RCAN3: variants seen among roughly 807,000 people sequenced by gnomAD.
RCAN3 encodes the protein calcipressin-3.
A neutral mutation model predicts 21.9 loss-of-function variants in RCAN3; 19 were observed. The observed-to-expected ratio is 0.87, with a 90% CI of 0.61 to 1.27. The LOEUF (loss-of-function observed/expected upper bound fraction) is 1.27, where lower values mean the gene tolerates loss of function less well. Ranked by LOEUF, RCAN3 falls within the 50% of genes most tolerant of loss-of-function variation. The probability of loss-of-function intolerance (pLI) is 0.00; values close to 1 mark genes in which losing one functional copy is unlikely to be tolerated. For synonymous variants in RCAN3, 114 were observed against 112.3 expected (o/e 1.01, Z -0.09); for missense variants, 240 against 300.1 (o/e 0.80, Z 1.48).
At chr1:24,515,696 C>T (rs115077236) in intron 2 of RCAN3, among the ~76,000 whole-genome samples, 1,948 of 152,250 alleles carry the variant, frequency 0.013, 17 homozygotes, top group Middle Eastern at 0.024. Flanking sequence ...TGAGTGCCTA[C>T]GGTGTGCCAG....
In RCAN3 at chr1:24,538,270, C is replaced by T. The variant is rs951373228; in HGVS notation, c.*2993C>T. ...AAACTCAGCTGGAAAGCAAATTAGT[C>T]TTTTCACATTCTGCTTCTTCAAAAT... is the stretch of plus-strand genomic sequence containing the variant. On this transcript the variant is annotated 3_prime_UTR_variant, in exon 5 of 5. Coordinates refer to ENST00000374395, the MANE Select transcript of RCAN3 (RefSeq NM_013441.4). The T allele has an allele frequency of 6.6e-6, 1 of 152,180 alleles. No individual in the cohort carries two copies. Among genetic ancestry groups the T allele is most frequent in the South Asian group, 2.1e-4 (1 of 4,828 alleles). The allele number at this position is 152,180 out of a possible 1,614,324, so 9.4% of individuals were successfully genotyped here.
chr1:24,526,498 T>C (rs767703412), intron 2 of RCAN3, among the ~76,000 whole-genome samples: 7 of 152,068 alleles, frequency 4.6e-5, no homozygotes, highest in Non-Finnish European at 8.8e-5. Flanking sequence ...AAAAAAAAAT[T>C]ATCTTGAAGG....
intron 1 of RCAN3, among the ~76,000 whole-genome samples, chr1:24,508,077 A>G (rs921728889): frequency 1.3e-5 from 2 of 152,196 alleles, no homozygotes; most frequent in African/African-American, 4.8e-5. Context: ...AGACTGCGCC[A>G]CTGCACCCCA....
At position 24,516,099 on chromosome 1, in the gene RCAN3, C is replaced by T. The variant is rs143902361; in HGVS notation, c.195+1532C>T. On this transcript the variant is annotated intron_variant, in intron 2 of 4. Coordinates refer to ENST00000374395, the MANE Select transcript of RCAN3 (RefSeq NM_013441.4). ...CAGAGGTTGCAGTGAGCGGAGATTG[C>T]GCCAGCGTACTCCAGCCTGGGCAAC... 2.5e-4 allele frequency among the ~76,000 whole-genome samples: 38 copies of T among 151,910 alleles called. 1 individual carries two copies. In the East Asian group the frequency reaches 6.6e-3, roughly 26 times the overall value.
intron 1 of RCAN3, among the ~76,000 whole-genome samples, chr1:24,509,879 A>G (rs747599525): frequency 2.6e-5 from 4 of 152,212 alleles, no homozygotes; most frequent in Non-Finnish European, 5.9e-5. Flanking sequence ...TTAAAATAGT[A>G]AGACTTGAAA....
rs1253659719 is a variant in RCAN3 at position 24,523,649 on chromosome 1, T to TA, written c.196-7569_196-7568insA. 2.9e-3 allele frequency among the ~76,000 whole-genome samples: 272 copies of TA among 94,982 alleles called. 2 individuals are homozygous for TA. Among genetic ancestry groups the TA allele is most frequent in the Middle Eastern group, 0.025 (6 of 236 alleles). The allele number at this position is 94,982 out of a possible 152,430, so 62.3% of individuals were successfully genotyped here. A position where few individuals can be genotyped will look rare whatever the true frequency, so the allele number is the denominator to read the frequency against. On this transcript the variant is annotated intron_variant, in intron 2 of 4. Transcript: ENST00000374395. Reference sequence around the variant, plus strand: ...ACACACACACACACACACATATATATTTTTTTTCTTCAGATGGAGTCTCAT... The same window carrying TA: ...ACACACACACACACACACATATATATATTTTTTTCTTCAGATGGAGTCTCAT...
At chr1:24,519,762 T>G (rs1012180415) in intron 2 of RCAN3, among the ~76,000 whole-genome samples, 1 of 152,204 alleles carries the variant, frequency 6.6e-6, no homozygotes, top group Non-Finnish European at 1.5e-5. Context: ...ATGAATGGAT[T>G]CTGTAAGATG....
chr1:24,515,457 T>C (rs1273809040), intron 2 of RCAN3, among the ~76,000 whole-genome samples: 2 of 150,112 alleles, frequency 1.3e-5, no homozygotes, highest in South Asian at 2.1e-4. Context: ...TGTGTGTGTG[T>C]GTGTGTGCTT....
intron 2 of RCAN3, among the ~76,000 whole-genome samples, chr1:24,516,185 C>G (rs1308701959): frequency 3.3e-5 from 5 of 152,126 alleles, no homozygotes; most frequent in African/African-American, 1.2e-4. Flanking sequence ...AAGAACAGGG[C>G]CAGGCGCAGT....
Position 24,527,656 on chromosome 1 carries a change from T to C in RCAN3, c.196-3562T>C, listed in dbSNP as rs530345981. Among the ~76,000 whole-genome samples the C allele has an allele frequency of 2.6e-5, 4 of 152,306 alleles. No homozygotes were observed. In the South Asian group the frequency reaches 8.3e-4, roughly 32 times the overall value. The stretch of plus-strand genomic sequence containing the variant: ...TTTGCACTTCAGGATCAACAGATCA[T>C]TGAAAGATCTTTACATAGGCGAAGC... On this transcript the variant is annotated intron_variant, in intron 2 of 4. Coordinates refer to ENST00000374395, the MANE Select transcript of RCAN3 (RefSeq NM_013441.4).
At chr1:24,505,978 G>T (rs1647404144) in intron 1 of RCAN3, among the ~76,000 whole-genome samples, 1 of 152,224 alleles carries the variant, frequency 6.6e-6, no homozygotes, top group Non-Finnish European at 1.5e-5. Flanking sequence ...TGGCAGAGCA[G>T]ATGGTCATGC....
rs531408149 is a variant in RCAN3 at position 24,507,309 on chromosome 1, C to G, written c.-60+4159C>G. Reference sequence around the variant, plus strand: ...GGCTTTGTGTGGAATGCTCCCCATTCTTTTCCTCCTGAAATTCTGTTCATC... The same window carrying G: ...GGCTTTGTGTGGAATGCTCCCCATTGTTTTCCTCCTGAAATTCTGTTCATC... On this transcript the variant is annotated intron_variant, in intron 1 of 4. Coordinates refer to ENST00000374395, the MANE Select transcript of RCAN3 (RefSeq NM_013441.4). Among the ~76,000 whole-genome samples the G allele has an allele frequency of 2.6e-5, 4 of 152,336 alleles. No individual in the cohort carries two copies. The South Asian group carries it at 8.3e-4, about 32-fold the overall frequency.
chr1:24,532,261 C>T (rs1649824920), intron 3 of RCAN3, among the ~76,000 whole-genome samples: 1 of 152,034 alleles, frequency 6.6e-6, no homozygotes, highest in Non-Finnish European at 1.5e-5. Flanking sequence ...GAGTCTCACT[C>T]TGTCACCCAG....
chr1:24,537,110 A>G lies in RCAN3; in HGVS notation c.*1833A>G, dbSNP rs917641923. Reference sequence around the variant, plus strand: ...TTGGGAATTTTTTGAATTTCCTTTTAGGTAATATTGATTCACTGTAATTTT... The same window carrying G: ...TTGGGAATTTTTTGAATTTCCTTTTGGGTAATATTGATTCACTGTAATTTT... On this transcript the variant is annotated 3_prime_UTR_variant, in exon 5 of 5. Transcript: ENST00000374395. 5 of 152,188 alleles carry G rather than the reference A, an allele frequency of 3.3e-5. No individual in the cohort carries two copies. The highest frequency in any genetic ancestry group is 1.2e-4 in the African/African-American group (5 of 41,450). 9.4% of individuals were successfully genotyped at this position (152,188 alleles called of 1,614,324 possible). A position where few individuals can be genotyped will look rare whatever the true frequency, so the allele number is the denominator to read the frequency against.
intron 2 of RCAN3, among the ~76,000 whole-genome samples, chr1:24,516,697 C>T (rs981712345): frequency 6.6e-6 from 1 of 152,108 alleles, no homozygotes; most frequent in African/African-American, 2.4e-5. Context: ...CATCAGAGCT[C>T]CACGTCAGGA....
At chr1:24,521,902 CT>C (rs1648849150) in intron 2 of RCAN3, among the ~76,000 whole-genome samples, 1 of 131,444 alleles carries the variant, frequency 7.6e-6, no homozygotes, top group African/African-American at 3.0e-5. Flanking sequence ...ATATTGGTTG[CT>C]GGGGGGGGTG....
At position 24,531,330 on chromosome 1, in the gene RCAN3, C is replaced by T. The variant is rs781334031; in HGVS notation, c.308C>T (p.Ala103Val). ...NFSKPEAAARARIELHETDFN... is the reference protein window; with the variant it reads ...NFSKPEAAARVRIELHETDFN... ...AGCAAACCTGAAGCGGCAGCAAGAG[C>T]GCGAATAGAACTCCACGAAACAGAC... Residue 103 changes from alanine (A) to valine (V), a missense_variant, in exon 3 of 5, where the codon GCG becomes GTG. Transcript: ENST00000374395. 2.2e-5 allele frequency: 35 copies of T among 1,613,652 alleles called. No homozygotes were observed. Among genetic ancestry groups the T allele is most frequent in the Non-Finnish European group, 2.9e-5 (34 of 1,179,826 alleles).
chr1:24,540,509 T>A lies in RCAN3; in HGVS notation c.*5232T>A, dbSNP rs1248156066. On this transcript the variant is annotated 3_prime_UTR_variant, in exon 5 of 5. Coordinates refer to ENST00000374395, the MANE Select transcript of RCAN3 (RefSeq NM_013441.4). ...TTTTCTGTTTAGTCCTCAATCTTCC[T>A]AACTCAAATTGGGGACTGAGGAGAG... 1 of 152,210 alleles carries A rather than the reference T, an allele frequency of 6.6e-6. No individual in the cohort carries two copies. Among genetic ancestry groups the A allele is most frequent in the African/African-American group, 2.4e-5 (1 of 41,456 alleles). 9.4% of individuals were successfully genotyped at this position (152,210 alleles called of 1,614,324 possible).
At chr1:24,519,770 A>G (rs773398372) in intron 2 of RCAN3, among the ~76,000 whole-genome samples, 29 of 152,206 alleles carry the variant, frequency 1.9e-4, no homozygotes, top group Middle Eastern at 3.2e-3. Context: ...ATTCTGTAAG[A>G]TGGTTGTTGA....
Sources: allele counts gnomAD v4.1 joint callset (sites outside exome capture counted in the v4.1 genomes callset), GRCh38; gene constraint gnomAD v4.1.1; transcripts MANE v1.5; gene names NCBI Gene and HGNC (gene_info 2026-07-23, HGNC 2026-07-21).